Variants in SCUBE1 observed in about 807,000 individuals in gnomAD.
The protein encoded by SCUBE1 is signal peptide, CUB and EGF-like domain-containing protein 1.
In SCUBE1, 59 loss-of-function variants were observed where a neutral mutation model predicts 124.4. The observed-to-expected ratio is 0.47, with a 90% CI of 0.38 to 0.59. The LOEUF (loss-of-function observed/expected upper bound fraction) is 0.59, where lower values mean the gene tolerates loss of function less well. Among genes scored for constraint, SCUBE1 ranks in the 20% least tolerant of loss-of-function variants. The pLI is 0.00. For missense variants in SCUBE1, 1,150 were observed against 1,371.2 expected (o/e 0.84, Z 2.55); for synonymous variants, 545 against 550.9 (o/e 0.99, Z 0.15).
intron 3 of SCUBE1, among the ~76,000 whole-genome samples, chr22:43,305,529 G>A (rs1015489762): frequency 2.6e-5 from 4 of 152,158 alleles, no homozygotes; most frequent in Non-Finnish European, 2.9e-5. Context: ...GGAATGGTGT[G>A]TGCAGAGGCC....
At chr22:43,275,298 C>A (rs891805106) in intron 4 of SCUBE1, among the ~76,000 whole-genome samples, 1 of 152,258 alleles carries the variant, frequency 6.6e-6, no homozygotes, top group Non-Finnish European at 1.5e-5. Context: ...CAGCAAACCA[C>A]GACGCGCTGG....
intron 3 of SCUBE1, among the ~76,000 whole-genome samples, chr22:43,306,597 G>C (rs1037035389): frequency 6.6e-6 from 1 of 152,136 alleles, no homozygotes; most frequent in Non-Finnish European, 1.5e-5. Context: ...TGCAATCCCT[G>C]ACCTGAATGT....
At chr22:43,238,654 C>A in intron 7 of SCUBE1, 184 bp downstream of exon 7, 1 of 679,160 alleles carries the variant, frequency 1.5e-6, no homozygotes, top group Non-Finnish European at 2.8e-6. Flanking sequence ...GGGGACCCTG[C>A]TGCTGGCCAG....
chr22:43,305,713 G>C (rs1042552666), intron 3 of SCUBE1, among the ~76,000 whole-genome samples: 5 of 152,134 alleles, frequency 3.3e-5, no homozygotes, highest in African/African-American at 1.2e-4. Flanking sequence ...CTCCACCACG[G>C]GTGGGTCCCA....
chr22:43,281,469 TCCTGTCACCTCCCTCTTTGGCCAC>T (rs1924863278), intron 4 of SCUBE1, among the ~76,000 whole-genome samples: 1 of 90,580 alleles, frequency 1.1e-5, no homozygotes, highest in African/African-American at 8.0e-5. Context: ...TCAGCCACCC[TCCTGTCACCTCCCTCTTTGGCCAC>T]CCTCCTGTCA....
At position 43,215,045 on chromosome 22, in the gene SCUBE1, C is replaced by T. The variant is rs575671108; in HGVS notation, c.1892-794G>A. ...CACATCTATGCTTTCCAGTTCTGTC[C>T]GATGAGAGGGCCTAGAGGCAGTGGT... On this transcript the variant is annotated intron_variant, in intron 15 of 21. Transcript: ENST00000360835. 5.9e-5 allele frequency among the ~76,000 whole-genome samples: 9 copies of T among 152,212 alleles called. No individual in the cohort carries two copies. In the South Asian group the frequency reaches 1.2e-3, roughly 21 times the overall value.
At chr22:43,277,622 T>C (rs1380609171) in intron 4 of SCUBE1, among the ~76,000 whole-genome samples, 2 of 152,218 alleles carry the variant, frequency 1.3e-5, no homozygotes, top group African/African-American at 2.4e-5. Flanking sequence ...GACAAGTCTC[T>C]TTGCTTTTCA....
At chr22:43,323,619 TCCATCC>T (rs1434312953) in intron 2 of SCUBE1, among the ~76,000 whole-genome samples, 1 of 151,706 alleles carries the variant, frequency 6.6e-6, no homozygotes. Context: ...CATCCATCCA[TCCATCC>T]ATCCATCCAG....
At chr22:43,336,086 C>T (rs867420454) in intron 2 of SCUBE1, among the ~76,000 whole-genome samples, 5 of 152,290 alleles carry the variant, frequency 3.3e-5, no homozygotes, top group Admixed American at 6.5e-5. Flanking sequence ...GGAATGAGTG[C>T]CTACTGTGTA....
Position 43,214,230 on chromosome 22 carries a change from T to C in SCUBE1, c.1913A>G (p.His638Arg), listed in dbSNP as rs1467516495. Residue 638 changes from histidine (H) to arginine (R), a missense_variant, in exon 16 of 22, where the codon CAC becomes CGC. Around this residue, in one of 3 missense-constraint regions of SCUBE1, gnomAD observed 757 missense variants for 840.9 expected, o/e 0.90. Transcript: ENST00000360835. ...SKCVACGPGT[H>R]FGGELGQCVS... ...ACACTGGCCGAGCTCACCACCGAAG[T>C]GGGTGCCAGGCCCACAGGCAACTGC... 2 of 1,612,350 alleles carry C rather than the reference T, an allele frequency of 1.2e-6. No individual in the cohort carries two copies. The highest frequency in any genetic ancestry group is 1.7e-6 in the Non-Finnish European group (2 of 1,179,630).
intron 6 of SCUBE1, among the ~76,000 whole-genome samples, chr22:43,249,808 G>A (rs989799992): frequency 6.6e-6 from 1 of 152,246 alleles, no homozygotes; most frequent in African/African-American, 2.4e-5. Context: ...CTTGGCTGGG[G>A]GTGGCCAGGA....
At chr22:43,313,319 C>T (rs1316025326) in intron 3 of SCUBE1, among the ~76,000 whole-genome samples, 3 of 152,194 alleles carry the variant, frequency 2.0e-5, no homozygotes, top group African/African-American at 7.2e-5. Flanking sequence ...TGCCAAGAGG[C>T]AGGTCCAAAA....
intron 1 of SCUBE1, among the ~76,000 whole-genome samples, chr22:43,341,147 G>A (rs765187228): frequency 8.6e-5 from 13 of 151,420 alleles, no homozygotes; most frequent in African/African-American, 9.7e-5. Flanking sequence ...ATTGCTTTCC[G>A]GGGGGGGCTA....
chr22:43,243,081 G>A (rs1601823401), intron 6 of SCUBE1, among the ~76,000 whole-genome samples: 1 of 152,244 alleles, frequency 6.6e-6, no homozygotes, highest in South Asian at 2.1e-4. Flanking sequence ...TTCTAAGGGC[G>A]GGGTCCTGGG....
At chr22:43,294,341 C>T (rs553338403) in intron 3 of SCUBE1, among the ~76,000 whole-genome samples, 48 of 152,198 alleles carry the variant, frequency 3.2e-4, no homozygotes, top group Non-Finnish European at 3.4e-4. Context: ...TCAAGTGGGC[C>T]CCACACTGAG....
At chr22:43,304,050 A>C (rs1293786610) in intron 3 of SCUBE1, among the ~76,000 whole-genome samples, 1 of 152,192 alleles carries the variant, frequency 6.6e-6, no homozygotes, top group Non-Finnish European at 1.5e-5. Context: ...GCAGCTGGGC[A>C]GCTACGGCCC....
chr22:43,222,395 C>T (rs1319006846), intron 12 of SCUBE1, among the ~76,000 whole-genome samples: 1 of 152,256 alleles, frequency 6.6e-6, no homozygotes, highest in Non-Finnish European at 1.5e-5. Context: ...ACCACTCTGG[C>T]TGTGACCTCA....
At chr22:43,299,498 C>T (rs1925687891) in intron 3 of SCUBE1, among the ~76,000 whole-genome samples, 1 of 152,196 alleles carries the variant, frequency 6.6e-6, no homozygotes, top group Admixed American at 6.5e-5. Flanking sequence ...CTCTGGGGAT[C>T]CCAGCTTACT....
In SCUBE1 at chr22:43,210,192, GACTCGAT is replaced by G; in HGVS notation, c.2425_2431del (p.Ile809ProfsTer47). ...TGGGTAGTCGCCAGGGTAGTTGGGG[GACTCGAT>G]GTAGCCGGTGTAGTCACCAAGCTCG... is the stretch of plus-strand genomic sequence containing the variant. On this transcript the variant is annotated frameshift_variant, in exon 19 of 22. Coordinates refer to ENST00000360835, the MANE Select transcript of SCUBE1 (RefSeq NM_173050.5). LOFTEE classifies it high-confidence loss of function. The surrounding 1 kb of genome is among the most constrained non-coding windows in gnomAD (Gnocchi z 4.5). The G allele has an allele frequency of 6.3e-7, 1 of 1,598,688 alleles. No individual in the cohort carries two copies.
Sources: gnomAD v4.1 joint callset for allele counts (sites outside exome capture counted in the v4.1 genomes callset) on GRCh38, gnomAD v4.1.1 for gene constraint, gnomAD v4.1.1 regional missense constraint, Gnocchi (gnomAD v3.1) non-coding constraint, MANE v1.5 for transcripts, NCBI Gene and HGNC (gene_info 2026-07-23, HGNC 2026-07-21) for gene names.